EXOSC9: variants seen among roughly 807,000 people sequenced by gnomAD.
The protein encoded by EXOSC9 is exosome component 9.
Under a neutral mutation model 56.5 loss-of-function variants are expected in EXOSC9, and 38 were observed. That is an observed-to-expected ratio of 0.67 (90% CI 0.52 to 0.88). The LOEUF (loss-of-function observed/expected upper bound fraction) is 0.88, where lower values mean the gene tolerates loss of function less well. Ranked by LOEUF, EXOSC9 falls within the 40% of genes least tolerant of loss-of-function variation. The probability of loss-of-function intolerance (pLI) is 0.00; values close to 1 mark genes in which losing one functional copy is unlikely to be tolerated. For missense variants in EXOSC9, 559 were observed against 530.5 expected, an observed-to-expected ratio of 1.05 and a Z score of -0.53; for synonymous variants, 170 against 170.8, an observed-to-expected ratio of 0.99 and a Z score of 0.04.
At chr4:121,808,683 CTT>C (rs79076139) in intron 6 of EXOSC9, among the ~76,000 whole-genome samples, 5 of 139,184 alleles carry the variant, frequency 3.6e-5, no homozygotes, top group Admixed American at 7.1e-5. Context: ...CTTTTCTTTT[CTT>C]TTTTTTTTTT....
chr4:121,805,249 C>T (rs1190910652), intron 5 of EXOSC9, among the ~76,000 whole-genome samples: 1 of 152,188 alleles, frequency 6.6e-6, no homozygotes, highest in Non-Finnish European at 1.5e-5. Context: ...AGACTACTCC[C>T]AAAGTAAAAC....
rs1190137116 is a variant in EXOSC9 at position 121,805,809 on chromosome 4, CT to C, written c.522+1064del. On this transcript the variant is annotated intron_variant, in intron 5 of 11. Coordinates refer to ENST00000243498, the MANE Select transcript of EXOSC9 (RefSeq NM_005033.3). ...GAAGAAAATATTCTTTTTTTTTTTT[CT>C]TTTTTTTTTTTTTGAGACAGGATCT... is the stretch of plus-strand genomic sequence containing the variant. Among the ~76,000 whole-genome samples, 227 of 79,136 alleles carry C rather than the reference CT, an allele frequency of 2.9e-3. 1 individual carries two copies. Among genetic ancestry groups the C allele is most frequent in the African/African-American group, 5.3e-3 (153 of 28,650 alleles). The allele number at this position is 79,136 out of a possible 152,430, so 51.9% of individuals were successfully genotyped here. A position where few individuals can be genotyped will look rare whatever the true frequency, so the allele number is the denominator to read the frequency against.
At chr4:121,816,631 A>G (rs1227036497) in intron 11 of EXOSC9, 141 bp from the exon 12 acceptor site, 3 of 905,742 alleles carry the variant, frequency 3.3e-6, no homozygotes, top group Non-Finnish European at 4.8e-6. Context: ...ACCTAAATCT[A>G]TAATATAAAC....
intron 4 of EXOSC9, among the ~76,000 whole-genome samples, chr4:121,803,671 C>G (rs940454897): frequency 1.3e-5 from 2 of 152,122 alleles, no homozygotes; most frequent in African/African-American, 4.8e-5. Flanking sequence ...TTCCGAGCAG[C>G]TGGAACTACC....
rs757811725 is a variant in EXOSC9, at chr4:121,803,009, G to A, written c.376G>A (p.Gly126Ser). ...IDTESLCVVA[G>S]EKVWQIRVDL... ...CACTGAGTCTCTCTGTGTTGTTGCT[G>A]GTGAAAAGGTGGGGAATATGCCCAT... The change falls in exon 4 of 12, where the codon GGT (glycine) becomes AGT (serine). Residue 126 changes from glycine to serine, a missense_variant. Physicochemically the swap from Gly to Ser is moderately conservative, Grantham distance 56. Transcript: ENST00000243498. 6 of 1,608,598 alleles carry A rather than the reference G, an allele frequency of 3.7e-6. No individual in the cohort carries two copies. The highest frequency in any genetic ancestry group is 5.1e-6 in the Non-Finnish European group (6 of 1,175,150).
At chr4:121,814,913 C>T (rs554547029) in intron 10 of EXOSC9, 2 of 152,218 alleles carry the variant, frequency 1.3e-5, no homozygotes, top group South Asian at 2.1e-4. Flanking sequence ...TATTTTCTTA[C>T]GTGGTAAGAA....
intron 6 of EXOSC9, among the ~76,000 whole-genome samples, chr4:121,809,510 C>G (rs969749303): frequency 4.6e-5 from 7 of 152,040 alleles, no homozygotes; most frequent in African/African-American, 1.7e-4. Flanking sequence ...GGCTCAGTAA[C>G]CACAGGTGAC....
chr4:121,810,380 TA>T (rs11323170), intron 7 of EXOSC9, among the ~76,000 whole-genome samples: 40,139 of 147,996 alleles, frequency 0.27, 5,880 homozygotes, highest in Non-Finnish European at 0.32. Flanking sequence ...ATATCCCTAT[TA>T]AAAAAAAAAA....
At chr4:121,805,910 A>G (rs1385892690) in intron 5 of EXOSC9, among the ~76,000 whole-genome samples, 3 of 151,206 alleles carry the variant, frequency 2.0e-5, no homozygotes, top group African/African-American at 7.3e-5. Context: ...GACTTAAGCA[A>G]TCCTCCCACC....
chr4:121,806,878 C>A (rs1444273692), intron 5 of EXOSC9, among the ~76,000 whole-genome samples: 1 of 152,078 alleles, frequency 6.6e-6, no homozygotes, highest in Non-Finnish European at 1.5e-5. Context: ...CTACGGACTA[C>A]AGACAGATTC....
At chr4:121,811,867 G>T (rs1415730740) in intron 8 of EXOSC9, among the ~76,000 whole-genome samples, 196 bp downstream of exon 8, 1 of 152,130 alleles carries the variant, frequency 6.6e-6, no homozygotes, top group Non-Finnish European at 1.5e-5. Context: ...AACTCCGAAA[G>T]GTAGTGAAAC....
At chr4:121,812,368 T>C (rs539181305) in intron 8 of EXOSC9, among the ~76,000 whole-genome samples, 76 of 152,346 alleles carry the variant, frequency 5.0e-4, no homozygotes, top group African/African-American at 1.8e-3. Flanking sequence ...ATTTCACACT[T>C]GATCTTTCCT....
At chr4:121,803,113 C>T in intron 4 of EXOSC9, 96 bp downstream of exon 4, 1 of 843,538 alleles carries the variant, frequency 1.2e-6, no homozygotes. Context: ...TTAGTTAACT[C>T]AGTATTGTAC....
chr4:121,805,319 G>T (rs530096781), intron 5 of EXOSC9, among the ~76,000 whole-genome samples: 36 of 152,348 alleles, frequency 2.4e-4, no homozygotes, highest in Middle Eastern at 3.4e-3. Flanking sequence ...TACTGATGTT[G>T]CTGGTCCAGG....
intron 10 of EXOSC9, chr4:121,815,230 A>G (rs909839799): frequency 4.1e-6 from 1 of 244,402 alleles, no homozygotes; most frequent in Non-Finnish European, 6.6e-6. Flanking sequence ...ATATACTTGT[A>G]TAGCATTGAA....
intron 6 of EXOSC9, among the ~76,000 whole-genome samples, chr4:121,808,346 A>G (rs1727106990): frequency 6.6e-6 from 1 of 152,146 alleles, no homozygotes; most frequent in Non-Finnish European, 1.5e-5. Context: ...TGTGAACCAT[A>G]TATATAATTT....
At chr4:121,804,397 G>C (rs1371170313) in intron 4 of EXOSC9, 3 of 361,622 alleles carry the variant, frequency 8.3e-6, no homozygotes, top group Admixed American at 9.0e-5. Flanking sequence ...TGTTAGAGTG[G>C]TTCTGTTTAT....
chr4:121,804,755 C>T lies in EXOSC9; in HGVS notation c.518C>T (p.Thr173Ile). ...PDVSVQGDEV[T>I]LYTPEERDPV... is the part of the protein sequence containing the mutation. ...GTCTCTGTCCAAGGAGATGAAGTAA[C>T]ACTGGTAAGCTCCTATGTGAACCAG... Residue 173 changes from threonine to isoleucine, a missense_variant, in exon 5 of 12, where the codon ACA (threonine) becomes ATA (isoleucine). Physicochemically the swap from Thr to Ile is moderately conservative, Grantham distance 89. Coordinates refer to ENST00000243498, the MANE Select transcript of EXOSC9 (RefSeq NM_005033.3). The T allele has an allele frequency of 6.2e-7, 1 of 1,605,584 alleles. No homozygotes were observed.
At chr4:121,810,678 A>G (rs1560626021) in intron 7 of EXOSC9, among the ~76,000 whole-genome samples, 1 of 152,024 alleles carries the variant, frequency 6.6e-6, no homozygotes, top group Non-Finnish European at 1.5e-5. Flanking sequence ...GCAAAATTCC[A>G]TCTGAAAAAA....
Sources: gnomAD v4.1 joint callset for allele counts (sites outside exome capture counted in the v4.1 genomes callset) on GRCh38, gnomAD v4.1.1 for gene constraint, MANE v1.5 for transcripts, NCBI Gene and HGNC (gene_info 2026-07-23, HGNC 2026-07-21) for gene names.